COL8A1: variants seen among roughly 807,000 people sequenced by gnomAD.
COL8A1 encodes collagen type VIII alpha 1 chain, also known as collagen alpha-1(VIII) chain.
A neutral mutation model predicts 42.7 loss-of-function variants in COL8A1; 21 were observed. The observed-to-expected ratio is 0.49, with a 90% CI of 0.35 to 0.71. COL8A1 has a LOEUF of 0.71. COL8A1 is among the 30% of genes least tolerant of loss of function. COL8A1 has a pLI of 0.01. For missense variants in COL8A1, 788 were observed against 962.4 expected, an observed-to-expected ratio of 0.82 and a Z score of 2.40; for synonymous variants, 367 against 369.1, an observed-to-expected ratio of 0.99 and a Z score of 0.06.
intron 1 of COL8A1, among the ~76,000 whole-genome samples, chr3:99,649,399 TA>T (rs1438533841): frequency 6.6e-6 from 1 of 151,862 alleles, no homozygotes; most frequent in Non-Finnish European, 1.5e-5. Context: ...AAAATAGAGG[TA>T]GGGGAATAAA....
intron 1 of COL8A1, among the ~76,000 whole-genome samples, chr3:99,728,359 AAC>A (rs913326899): frequency 6.6e-6 from 1 of 151,994 alleles, no homozygotes; most frequent in Non-Finnish European, 1.5e-5. Context: ...TCATATCCCA[AAC>A]ACACACAGCA....
At chr3:99,656,210 T>C (rs1374066977) in intron 1 of COL8A1, among the ~76,000 whole-genome samples, 10 of 152,214 alleles carry the variant, frequency 6.6e-5, no homozygotes, top group African/African-American at 2.2e-4. Flanking sequence ...TTCCTAAAGA[T>C]TGTGGAAAGT....
chr3:99,645,186 C>A (rs1246730637), intron 1 of COL8A1, among the ~76,000 whole-genome samples: 5 of 152,120 alleles, frequency 3.3e-5, no homozygotes, highest in East Asian at 3.9e-4. Context: ...GATGATTGTA[C>A]ATTATTGTAT....
chr3:99,789,205 A>T (rs1163590092), intron 2 of COL8A1, among the ~76,000 whole-genome samples: 1 of 152,202 alleles, frequency 6.6e-6, no homozygotes, highest in Non-Finnish European at 1.5e-5. Flanking sequence ...GGAATAGGAT[A>T]TTGCAAAATC....
chr3:99,685,268 C>T (rs1252112542), intron 1 of COL8A1, among the ~76,000 whole-genome samples: 2 of 152,160 alleles, frequency 1.3e-5, no homozygotes. Flanking sequence ...AATTTACATG[C>T]TTTTGGTATG....
In COL8A1 at chr3:99,795,253, T is replaced by C. The variant is rs1341402068; in HGVS notation, c.1352T>C (p.Met451Thr). The change falls in exon 4 of 4, where the codon ATG (methionine) becomes ACG (threonine). Residue 451 changes from methionine to threonine, a missense_variant. Physicochemically the swap from Met to Thr is moderately conservative, Grantham distance 81. Coordinates refer to ENST00000652472, the MANE Select transcript of COL8A1 (RefSeq NM_020351.4). Reference protein sequence around the residue: ...GFLGEVGPPGMRGLPGPIGPK... With the variant: ...GFLGEVGPPGTRGLPGPIGPK... ...CTTGGTGAAGTAGGGCCTCCTGGCA[T>C]GAGGGGTTTGCCAGGTCCCATAGGG... 1 of 1,613,126 alleles carries C rather than the reference T, an allele frequency of 6.2e-7. No homozygotes were observed. The highest frequency in any genetic ancestry group is 1.1e-5 in the South Asian group (1 of 90,996).
chr3:99,642,435 C>A (rs1411662534), intron 1 of COL8A1, among the ~76,000 whole-genome samples: 1 of 152,310 alleles, frequency 6.6e-6, no homozygotes, highest in African/African-American at 2.4e-5. Flanking sequence ...TTCACCAAAA[C>A]TGATCACAGA....
At chr3:99,701,470 A>G (rs1420482488) in intron 1 of COL8A1, among the ~76,000 whole-genome samples, 2 of 152,228 alleles carry the variant, frequency 1.3e-5, no homozygotes, top group Admixed American at 6.5e-5. Flanking sequence ...GTATTTTGTT[A>G]TCAATGAGAC....
At chr3:99,652,629 T>G (rs1318047251) in intron 1 of COL8A1, among the ~76,000 whole-genome samples, 1 of 152,166 alleles carries the variant, frequency 6.6e-6, no homozygotes, top group African/African-American at 2.4e-5. Context: ...GAAAGCGGAC[T>G]GACCTGCAAG....
At chr3:99,775,128 A>G (rs192101059) in intron 2 of COL8A1, among the ~76,000 whole-genome samples, 69 of 152,274 alleles carry the variant, frequency 4.5e-4, no homozygotes, top group African/African-American at 1.6e-3. Context: ...AAGCATTTAA[A>G]CTACATGATT....
intron 2 of COL8A1, among the ~76,000 whole-genome samples, chr3:99,788,411 A>G (rs1247654905): frequency 2.6e-5 from 4 of 152,206 alleles, no homozygotes; most frequent in Non-Finnish European, 5.9e-5. Context: ...AATCCAACAT[A>G]TCCACTGAAT....
intron 1 of COL8A1, among the ~76,000 whole-genome samples, chr3:99,657,214 G>A (rs186750199): frequency 1.2e-4 from 19 of 152,230 alleles, no homozygotes; most frequent in African/African-American, 3.9e-4. Context: ...ATTGATGATC[G>A]CATCCCAAGC....
chr3:99,683,426 AAACT>A (rs1938950668), intron 1 of COL8A1, among the ~76,000 whole-genome samples: 1 of 152,224 alleles, frequency 6.6e-6, no homozygotes, highest in South Asian at 2.1e-4. Context: ...CTTATTTCAC[AAACT>A]AAGACGTATT....
chr3:99,696,143 T>TA (rs1250532447), intron 1 of COL8A1, among the ~76,000 whole-genome samples: 1 of 151,992 alleles, frequency 6.6e-6, no homozygotes, highest in African/African-American at 2.4e-5. Context: ...CAAAAACAAT[T>TA]AAAAAAACAA....
Position 99,709,515 on chromosome 3 carries a change from A to G in COL8A1, c.-128-35382A>G, listed in dbSNP as rs1200247125. On this transcript the variant is annotated intron_variant, in intron 1 of 3. Transcript: ENST00000652472. The stretch of plus-strand genomic sequence containing the variant: ...GCTCAATAAATATTTATTGACCCAA[A>G]TTACAGCAAATAAATTTTGCAGAGC... Among the ~76,000 whole-genome samples, 4 of 152,202 alleles carry G rather than the reference A, an allele frequency of 2.6e-5. No individual in the cohort carries two copies. In the East Asian group the frequency reaches 7.7e-4, roughly 29 times the overall value.
In COL8A1 at chr3:99,795,646, G is replaced by A; in HGVS notation, c.1745G>A (p.Gly582Glu). Residue 582 changes from glycine to glutamate, a missense_variant, in exon 4 of 4, where the codon GGA (glycine) becomes GAA (glutamate). This residue lies in a region of COL8A1 where 212 missense variants were observed against 210.9 expected (regional missense o/e 1.00). Transcript: ENST00000652472. The stretch of plus-strand genomic sequence containing the variant: ...ATGCCCCCTACACCACCACCCCAGG[G>A]AGAGTATCTGCCAGATATGGGGCTG... The part of the protein sequence containing the change: ...AVMPPTPPPQ[G>E]EYLPDMGLGI... 1.2e-6 allele frequency: 2 copies of A among 1,613,940 alleles called. No individual in the cohort carries two copies. Among genetic ancestry groups the A allele is most frequent in the South Asian group, 1.1e-5 (1 of 91,072 alleles).
intron 1 of COL8A1, among the ~76,000 whole-genome samples, chr3:99,705,118 G>T: frequency 6.6e-6 from 1 of 152,156 alleles, no homozygotes; most frequent in East Asian, 1.9e-4. Flanking sequence ...TGGCCTATAT[G>T]TTGTTCTCCT....
intron 1 of COL8A1, among the ~76,000 whole-genome samples, chr3:99,701,837 T>C (rs1263687645): frequency 6.6e-6 from 1 of 152,212 alleles, no homozygotes; most frequent in Non-Finnish European, 1.5e-5. Flanking sequence ...CACAATCCCA[T>C]GCTCTTTTCA....
chr3:99,732,547 C>T (rs1198497500), intron 1 of COL8A1, among the ~76,000 whole-genome samples: 1 of 152,100 alleles, frequency 6.6e-6, no homozygotes, highest in Non-Finnish European at 1.5e-5. Flanking sequence ...ATCCTGAGAA[C>T]AGCATAAGGG....
Sources: allele counts gnomAD v4.1 joint callset (sites outside exome capture counted in the v4.1 genomes callset), GRCh38; gene constraint gnomAD v4.1.1; regional missense constraint gnomAD v4.1.1; transcripts MANE v1.5; gene names NCBI Gene and HGNC (gene_info 2026-07-23, HGNC 2026-07-21).